XPO5: variants seen among roughly 807,000 people sequenced by gnomAD.
The protein encoded by XPO5 is exportin-5.
XPO5 carries 46 observed loss-of-function variants against 160.6 expected under a neutral mutation model. The ratio of observed to expected loss-of-function variants is 0.29; its 90% CI spans 0.23 to 0.37. XPO5 has a LOEUF of 0.37. Ranked by LOEUF, XPO5 falls within the 10% of genes least tolerant of loss-of-function variation. XPO5 has a pLI of 1.00. For synonymous variants in XPO5, 537 were observed against 519.3 expected (o/e 1.03, Z -0.46); for missense variants, 1,090 against 1,463.9 (o/e 0.74, Z 4.17).
intron 8 of XPO5, among the ~76,000 whole-genome samples, chr6:43,563,673 T>C (rs1762530865): frequency 6.6e-6 from 1 of 152,208 alleles, no homozygotes; most frequent in East Asian, 1.9e-4. Flanking sequence ...CATGTTACCG[T>C]AGCCAATACT....
In XPO5 at chr6:43,524,089, G is replaced by A. The variant is rs1021242437; in HGVS notation, c.3478-84C>T. 50 of 1,527,786 alleles carry A rather than the reference G, an allele frequency of 3.3e-5. No individual in the cohort carries two copies. The East Asian group carries it at 3.4e-4, about 10-fold the overall frequency. The allele number at this position is 1,527,786 out of a possible 1,614,324, so 94.6% of individuals were successfully genotyped here. A position where few individuals can be genotyped will look rare whatever the true frequency, so the allele number is the denominator to read the frequency against. ...CTCTTGGCCCGGCGCAGTGGCTCGCGCCTGTAATCCCAACACTTTTGGGAG... is the reference window on the plus strand; with the variant it reads ...CTCTTGGCCCGGCGCAGTGGCTCGCACCTGTAATCCCAACACTTTTGGGAG... On this transcript the variant is annotated intron_variant, in intron 31 of 31. Coordinates refer to ENST00000265351, the MANE Select transcript of XPO5 (RefSeq NM_020750.3).
At chr6:43,550,927 C>A in intron 15 of XPO5, 1 of 159,384 alleles carries the variant, frequency 6.3e-6, no homozygotes, top group Non-Finnish European at 1.4e-5. Flanking sequence ...ATTGCAATGC[C>A]ATATAGGTAA....
chr6:43,547,527 A>G (rs1795017596), intron 19 of XPO5, 81 bp downstream of exon 19: 1 of 1,341,826 alleles, frequency 7.5e-7, no homozygotes, highest in South Asian at 1.2e-5. Flanking sequence ...GAAAAAACAA[A>G]TCTATGAGAA....
intron 12 of XPO5, among the ~76,000 whole-genome samples, chr6:43,556,912 G>A (rs1190530914): frequency 6.6e-6 from 1 of 151,862 alleles, no homozygotes; most frequent in Admixed American, 6.6e-5. Flanking sequence ...TGAATCAGCT[G>A]AGGTCGGGAG....
Position 43,567,172 on chromosome 6 carries a change from T to C in XPO5, c.831A>G (p.Arg277=), listed in dbSNP as rs369368695. ...TCAGTTTGAAGTGGTAACTTACTTT[T>C]CTGCTGACTGCAATGAGAAGACACT... The part of the protein sequence containing the change: ...AAECLLIAVS[R]KGKLEDRKPL... Residue 277 remains arginine (R), a synonymous_variant, in exon 7 of 32, where the codon AGA becomes AGG. Transcript: ENST00000265351. 1.2e-6 allele frequency: 2 copies of C among 1,611,300 alleles called. No homozygotes were observed. Among genetic ancestry groups the C allele is most frequent in the Non-Finnish European group, 1.7e-6 (2 of 1,178,648 alleles).
chr6:43,563,057 C>T (rs1200992112), intron 8 of XPO5, among the ~76,000 whole-genome samples: 1 of 152,082 alleles, frequency 6.6e-6, no homozygotes, highest in African/African-American at 2.4e-5. Flanking sequence ...GCAACAGATT[C>T]AACTACTTAT....
intron 20 of XPO5, among the ~76,000 whole-genome samples, chr6:43,537,574 T>C (rs770171518): frequency 3.9e-5 from 6 of 152,210 alleles, no homozygotes; most frequent in Non-Finnish European, 8.8e-5. Flanking sequence ...GGAAGTTTAC[T>C]TACAAACATG....
intron 1 of XPO5, 47 bp downstream of exon 1, chr6:43,575,713 T>C (rs937214154): frequency 1.3e-6 from 2 of 1,546,792 alleles, no homozygotes; most frequent in Non-Finnish European, 1.8e-6. Context: ...CTGCTGGGGC[T>C]GGGAGAGGGT....
Position 43,548,331 on chromosome 6 carries a change from G to A in XPO5, c.1990C>T (p.Arg664Cys), listed in dbSNP as rs759225284. The A allele has an allele frequency of 8.1e-6, 13 of 1,613,546 alleles. No individual in the cohort carries two copies. Among genetic ancestry groups the A allele is most frequent in the Non-Finnish European group, 1.0e-5 (12 of 1,179,642 alleles). ...AGCTCCTCTAGGAACACCTTCTGAC[G>A]CTCGTAGTTCTTAAATTGGTTGCTA... is the stretch of plus-strand genomic sequence containing the variant. Reference protein sequence around the residue: ...LISNQFKNYERQKVFLEELMA... With the variant: ...LISNQFKNYECQKVFLEELMA... The change falls in exon 18 of 32, where the codon CGT becomes TGT. Residue 664 changes from arginine to cysteine, a missense_variant. Arg to Cys is a radical substitution (Grantham distance 180, BLOSUM62 -3). This residue lies in a region of XPO5 where 810 missense variants were observed against 1,139.0 expected (regional missense o/e 0.71). Transcript: ENST00000265351.
Position 43,522,799 on chromosome 6 carries a change from T to TA in XPO5, c.*1068dup, listed in dbSNP as rs2127694774. ...GTTTCTGTATGGATTAACTCTGCCTTACGGCCAGTAATAACCTCAGGGCCA... is the reference window on the plus strand; with the variant it reads ...GTTTCTGTATGGATTAACTCTGCCTTAACGGCCAGTAATAACCTCAGGGCCA... On this transcript the variant is annotated 3_prime_UTR_variant, in exon 32 of 32. Coordinates refer to ENST00000265351, the MANE Select transcript of XPO5 (RefSeq NM_020750.3). The TA allele has an allele frequency of 2.5e-6, 1 of 406,760 alleles. No individual in the cohort carries two copies. Among genetic ancestry groups the TA allele is most frequent in the East Asian group, 7.9e-5 (1 of 12,644 alleles). 25.2% of individuals were successfully genotyped at this position (406,760 alleles called of 1,614,324 possible). A position where few individuals can be genotyped will look rare whatever the true frequency, so the allele number is the denominator to read the frequency against.
rs1451668995 is a variant in XPO5, at chr6:43,555,958, C to A, written c.1319G>T (p.Arg440Leu). ...EDFNAFFNSS[R>L]AQQGEVMRLA... ...CCTCATCACCTCTCCTTGTTGTGCT[C>A]GGGAGGCTGCCAAGAGAAAATGCCA... The change falls in exon 13 of 32, where the codon CGA becomes CTA. Residue 440 changes from arginine (R) to leucine (L), a missense_variant. Around this residue, in one of 3 missense-constraint regions of XPO5, gnomAD observed 810 missense variants for 1,139.0 expected, o/e 0.71. Coordinates refer to ENST00000265351, the MANE Select transcript of XPO5 (RefSeq NM_020750.3). 6.2e-7 allele frequency: 1 copy of A among 1,613,390 alleles called. No individual in the cohort carries two copies. Among genetic ancestry groups the A allele is most frequent in the Non-Finnish European group, 8.5e-7 (1 of 1,179,660 alleles).
rs202060670 is a variant in XPO5 at position 43,567,201 on chromosome 6, C to T, written c.802G>A (p.Ala268Thr). 3.5e-5 allele frequency: 57 copies of T among 1,613,086 alleles called. No individual in the cohort carries two copies. Among genetic ancestry groups the T allele is most frequent in the Non-Finnish European group, 4.3e-5 (51 of 1,179,588 alleles). Residue 268 changes from alanine to threonine, a missense_variant, in exon 7 of 32, where the codon GCT becomes ACT. Transcript: ENST00000265351. ...LNEQELQLGAAECLLIAVSRK... is the reference protein window; with the variant it reads ...LNEQELQLGATECLLIAVSRK... ...CTGACTGCAATGAGAAGACACTCAGCGGCTCCCAACTGAAGTTCCTGTTCA... is the reference window on the plus strand; with the variant it reads ...CTGACTGCAATGAGAAGACACTCAGTGGCTCCCAACTGAAGTTCCTGTTCA...
At chr6:43,534,804 C>T (rs1412519854) in intron 20 of XPO5, among the ~76,000 whole-genome samples, 1 of 151,882 alleles carries the variant, frequency 6.6e-6, no homozygotes, top group Admixed American at 6.6e-5. Context: ...TCAAGACCAG[C>T]CTGGCCAACA....
chr6:43,536,444 C>T (rs985904761), intron 20 of XPO5, among the ~76,000 whole-genome samples: 1 of 149,692 alleles, frequency 6.7e-6, no homozygotes, highest in African/African-American at 2.5e-5. Context: ...TCACTAACCT[C>T]ATGCTGTAAA....
chr6:43,531,600 C>A (rs760248867), intron 21 of XPO5, 25 bp from the exon 22 acceptor site: 1 of 1,586,674 alleles, frequency 6.3e-7, no homozygotes, highest in Non-Finnish European at 8.7e-7. Context: ...GGGTCAAGAA[C>A]ATGATGCTCC....
rs755890536 is a variant in XPO5, at chr6:43,562,254, G to A, written c.1004C>T (p.Ala335Val). 1 of 1,605,208 alleles carries A rather than the reference G, an allele frequency of 6.2e-7. No individual in the cohort carries two copies. The highest frequency in any genetic ancestry group is 2.2e-5 in the East Asian group (1 of 44,702). ...AAGCAAACACTAGCTCACCAGCAAT[G>A]CACACAGCTGATTGCCCAGCGCACA... is the stretch of plus-strand genomic sequence containing the variant. ...VLCALGNQLCALLGADSDVET... is the reference protein window; with the variant it reads ...VLCALGNQLCVLLGADSDVET... The change falls in exon 9 of 32, where the codon GCA (alanine) becomes GTA (valine). Residue 335 changes from alanine (A) to valine (V), a missense_variant. Transcript: ENST00000265351.
intron 21 of XPO5, among the ~76,000 whole-genome samples, chr6:43,532,098 T>A (rs531495838): frequency 8.5e-5 from 13 of 152,370 alleles, no homozygotes; most frequent in African/African-American, 3.1e-4. Context: ...GTTGGCCACT[T>A]ATTTCTATAG....
chr6:43,530,970 C>T (rs1283431741), intron 22 of XPO5, 146 bp from the exon 23 acceptor site: 8 of 1,070,650 alleles, frequency 7.5e-6, no homozygotes, highest in South Asian at 5.3e-5. Context: ...CTTATAGATA[C>T]AGCATCTTTT....
chr6:43,563,032 C>T (rs1468129053), intron 8 of XPO5, among the ~76,000 whole-genome samples: 1 of 152,126 alleles, frequency 6.6e-6, no homozygotes, highest in Non-Finnish European at 1.5e-5. Context: ...TAAAGAGTAT[C>T]AAAAAGATGG....
Sources: allele counts gnomAD v4.1 joint callset (sites outside exome capture counted in the v4.1 genomes callset), GRCh38; gene constraint gnomAD v4.1.1; regional missense constraint gnomAD v4.1.1; transcripts MANE v1.5; gene names NCBI Gene and HGNC (gene_info 2026-07-23, HGNC 2026-07-21).